Variants in TMPRSS4 observed in about 807,000 individuals in gnomAD.
TMPRSS4 encodes transmembrane serine protease 4.
TMPRSS4 carries 45 observed loss-of-function variants against 56.4 expected under a neutral mutation model. The observed-to-expected ratio is 0.80, with a 90% CI of 0.63 to 1.02. TMPRSS4 has a LOEUF of 1.02. Ranked by LOEUF, TMPRSS4 falls within the 50% of genes least tolerant of loss-of-function variation. TMPRSS4 has a pLI of 0.00. For synonymous variants in TMPRSS4, 205 were observed against 211.0 expected (o/e 0.97, Z 0.25); for missense variants, 546 against 556.7 (o/e 0.98, Z 0.19).
chr11:118,078,942 C>T (rs928594898), intron 1 of TMPRSS4, among the ~76,000 whole-genome samples: 1 of 152,130 alleles, frequency 6.6e-6, no homozygotes, highest in Non-Finnish European at 1.5e-5. Context: ...AAGCCCCGCA[C>T]AGATGTAAGG....
chr11:118,098,437 A>G (rs1946532384), intron 2 of TMPRSS4, among the ~76,000 whole-genome samples: 1 of 152,192 alleles, frequency 6.6e-6, no homozygotes. Context: ...CTTCCCCCAG[A>G]TGGTAATCTC....
chr11:118,113,462 A>C (rs1273726863), intron 9 of TMPRSS4, 27 bp downstream of exon 9: 8 of 1,609,686 alleles, frequency 5.0e-6, no homozygotes, highest in Non-Finnish European at 6.8e-6. Context: ...AAGGCCACTC[A>C]AGCCTCTTAC....
intron 3 of TMPRSS4, among the ~76,000 whole-genome samples, chr11:118,100,357 G>A (rs1011571035): frequency 9.2e-5 from 14 of 152,216 alleles, no homozygotes; most frequent in Non-Finnish European, 2.1e-4. Context: ...TCAGGAATTT[G>A]TACTTGTAAC....
At chr11:118,105,101 T>A (rs1447445542) in intron 5 of TMPRSS4, among the ~76,000 whole-genome samples, 1 of 151,358 alleles carries the variant, frequency 6.6e-6, no homozygotes, top group East Asian at 1.9e-4. Context: ...ACACACACAC[T>A]TCTAGCGTCT....
chr11:118,081,270 G>A (rs1404385899), intron 1 of TMPRSS4, among the ~76,000 whole-genome samples: 3 of 152,186 alleles, frequency 2.0e-5, no homozygotes, highest in Admixed American at 2.0e-4. Flanking sequence ...TTATCCCAGA[G>A]GGGGATGGGC....
intron 1 of TMPRSS4, among the ~76,000 whole-genome samples, chr11:118,080,934 G>A (rs1254768610): frequency 6.6e-6 from 1 of 152,220 alleles, no homozygotes; most frequent in Non-Finnish European, 1.5e-5. Context: ...CCCTGGGACA[G>A]TGAACTCCTC....
intron 1 of TMPRSS4, among the ~76,000 whole-genome samples, chr11:118,079,819 C>T (rs1026289608): frequency 9.8e-5 from 15 of 152,312 alleles, no homozygotes; most frequent in African/African-American, 3.6e-4. Context: ...TCCACCCTGA[C>T]TGGGGCACAG....
At chr11:118,095,593 G>A (rs1946240586) in intron 2 of TMPRSS4, among the ~76,000 whole-genome samples, 1 of 152,148 alleles carries the variant, frequency 6.6e-6, no homozygotes, top group African/African-American at 2.4e-5. Context: ...TGTCCCCAAG[G>A]AACACCAGGG....
Position 118,118,729 on chromosome 11 carries a change from G to A in TMPRSS4, c.*816G>A, listed in dbSNP as rs1947689958. 1 of 985,518 alleles carries A rather than the reference G, an allele frequency of 1.0e-6. No homozygotes were observed. The highest frequency in any genetic ancestry group is 1.7e-5 in the African/African-American group (1 of 57,202). The allele number at this position is 985,518 out of a possible 1,614,324, so 61.0% of individuals were successfully genotyped here. On this transcript the variant is annotated 3_prime_UTR_variant, in exon 13 of 13. Coordinates refer to ENST00000437212, the MANE Select transcript of TMPRSS4 (RefSeq NM_019894.4). ...CTGTGATAATCAGCCAGGAGCCAGG[G>A]ATAACCTATGACTTGGGAAAGAGAT...
chr11:118,078,078 T>G (rs948931559), intron 1 of TMPRSS4, among the ~76,000 whole-genome samples: 1 of 141,228 alleles, frequency 7.1e-6, no homozygotes, highest in Non-Finnish European at 1.5e-5. Context: ...CAGAGATGCC[T>G]CCAAACAATC....
chr11:118,105,806 C>T (rs991730233), intron 5 of TMPRSS4: 3 of 152,272 alleles, frequency 2.0e-5, no homozygotes, highest in Admixed American at 1.3e-4. Context: ...CTCTACTAGG[C>T]AGACATCACC....
chr11:118,088,121 CTG>C (rs1945703184), intron 1 of TMPRSS4: 2 of 152,252 alleles, frequency 1.3e-5, no homozygotes, highest in Non-Finnish European at 2.9e-5. Context: ...CAGCTAATGA[CTG>C]TTACCGAAAT....
chr11:118,092,199 G>A (rs1277062288), intron 1 of TMPRSS4, among the ~76,000 whole-genome samples: 5 of 152,210 alleles, frequency 3.3e-5, no homozygotes, highest in Admixed American at 6.5e-5. Flanking sequence ...CGCCCAAGGG[G>A]TTCACCTTGC....
At chr11:118,123,623 T>C (rs565753677), downstream of TMPRSS4, among the ~76,000 whole-genome samples, 1 of 152,238 alleles carries the variant, frequency 6.6e-6, no homozygotes, top group Admixed American at 6.5e-5. Flanking sequence ...CCTGGGTTCA[T>C]GCCATTCTCT....
chr11:118,081,630 C>T (rs1217997772), intron 1 of TMPRSS4, among the ~76,000 whole-genome samples: 3 of 152,246 alleles, frequency 2.0e-5, no homozygotes, highest in African/African-American at 7.2e-5. Context: ...GTGGCAGTCG[C>T]GTCTCCTGTC....
At chr11:118,101,909 A>C (rs2135399837) in intron 3 of TMPRSS4, among the ~76,000 whole-genome samples, 1 of 152,362 alleles carries the variant, frequency 6.6e-6, no homozygotes. Flanking sequence ...GAGCAGAAAC[A>C]AAACAAAACC....
intron 2 of TMPRSS4, among the ~76,000 whole-genome samples, chr11:118,097,344 G>A (rs998779695): frequency 6.6e-6 from 1 of 152,128 alleles, no homozygotes; most frequent in East Asian, 1.9e-4. Context: ...GGATAGGAAA[G>A]GTTGGAAGGC....
At chr11:118,100,416 CTG>C (rs1472916111) in intron 3 of TMPRSS4, among the ~76,000 whole-genome samples, 2 of 152,208 alleles carry the variant, frequency 1.3e-5, no homozygotes, top group Admixed American at 6.5e-5. Context: ...TTAGAGGACA[CTG>C]AGAGAGACTC....
intron 8 of TMPRSS4, among the ~76,000 whole-genome samples, chr11:118,112,805 G>A (rs1349671886): frequency 6.7e-6 from 1 of 149,132 alleles, no homozygotes; most frequent in Non-Finnish European, 1.5e-5. Flanking sequence ...TCATGATCTA[G>A]GCCAGCGTTT....
Sources: gnomAD v4.1 joint callset for allele counts (sites outside exome capture counted in the v4.1 genomes callset) on GRCh38, gnomAD v4.1.1 for gene constraint, MANE v1.5 for transcripts, NCBI Gene and HGNC (gene_info 2026-07-23, HGNC 2026-07-21) for gene names.